GNB1L: variants seen among roughly 807,000 people sequenced by gnomAD.
GNB1L encodes the protein G protein subunit beta 1 like, also known as guanine nucleotide-binding protein subunit beta-like protein 1.
A neutral mutation model predicts 29.1 loss-of-function variants in GNB1L; 20 were observed. That is an observed-to-expected ratio of 0.69 (90% confidence interval 0.48 to 1.00). The LOEUF (loss-of-function observed/expected upper bound fraction) is 1.00, where lower values mean the gene tolerates loss of function less well. GNB1L is among the 50% of genes least tolerant of loss of function. The pLI, the probability that GNB1L is intolerant of heterozygous loss-of-function variation, is 0.00. For missense variants in GNB1L, 421 were observed against 464.9 expected (o/e 0.91, Z 0.87); for synonymous variants, 193 against 206.5 (o/e 0.93, Z 0.56).
At position 19,788,613 on chromosome 22, in the gene GNB1L, G is replaced by A; in HGVS notation, c.*96C>T. ...CATGGTCCTTGGGCCATGACTTGCTGGTCCTCAGAGGCCCTTGAGGTTTCA... is the reference window on the plus strand; with the variant it reads ...CATGGTCCTTGGGCCATGACTTGCTAGTCCTCAGAGGCCCTTGAGGTTTCA... On this transcript the variant is annotated 3_prime_UTR_variant, in exon 8 of 8. Transcript: ENST00000329517. The A allele has an allele frequency of 6.9e-7, 1 of 1,452,842 alleles. No homozygotes were observed. 90.0% of individuals were successfully genotyped at this position (1,452,842 alleles called of 1,614,324 possible). A position where few individuals can be genotyped will look rare whatever the true frequency, so the allele number is the denominator to read the frequency against.
At chr22:19,850,962 G>C in intron 2 of GNB1L, 11 of 1,380,068 alleles carry the variant, frequency 8.0e-6, no homozygotes, top group Non-Finnish European at 1.0e-5. Context: ...AGCAGGGAAA[G>C]GGCACAGGGC....
At chr22:19,801,144 G>A (rs980196207) in intron 7 of GNB1L, among the ~76,000 whole-genome samples, 3 of 152,170 alleles carry the variant, frequency 2.0e-5, no homozygotes, top group African/African-American at 4.8e-5. Context: ...GTCACCTCAC[G>A]GGACATGCAG....
chr22:19,798,392 T>G (rs1478959237), intron 7 of GNB1L, among the ~76,000 whole-genome samples: 1 of 152,146 alleles, frequency 6.6e-6, no homozygotes, highest in East Asian at 1.9e-4. Flanking sequence ...ACCTCTGCCC[T>G]AAGTCAGTGG....
chr22:19,803,645 C>T (rs2091637697), intron 6 of GNB1L, among the ~76,000 whole-genome samples: 1 of 152,240 alleles, frequency 6.6e-6, no homozygotes, highest in African/African-American at 2.4e-5. Flanking sequence ...CACAGAAGCT[C>T]CTTGCAGGCA....
At chr22:19,799,095 C>G (rs1474444095) in intron 7 of GNB1L, among the ~76,000 whole-genome samples, 2 of 152,228 alleles carry the variant, frequency 1.3e-5, no homozygotes, top group Non-Finnish European at 2.9e-5. Flanking sequence ...GATGGGAGCG[C>G]AGCTGGGACA....
intron 4 of GNB1L, among the ~76,000 whole-genome samples, chr22:19,818,978 C>T (rs943876026): frequency 2.6e-5 from 4 of 152,202 alleles, no homozygotes; most frequent in African/African-American, 9.6e-5. Context: ...GCCCCTCACG[C>T]ACCTGCCCCT....
At chr22:19,799,619 G>A (rs575763772) in intron 7 of GNB1L, among the ~76,000 whole-genome samples, 24 of 152,350 alleles carry the variant, frequency 1.6e-4, no homozygotes, top group Middle Eastern at 3.4e-3. Context: ...ACCCGCCGGG[G>A]GGAGACTGAT....
At chr22:19,838,240 CA>C (rs1937798384) in intron 2 of GNB1L, among the ~76,000 whole-genome samples, 1 of 152,130 alleles carries the variant, frequency 6.6e-6, no homozygotes, top group African/African-American at 2.4e-5. Flanking sequence ...CAAATAAGCA[CA>C]AAAGGCAACT....
At chr22:19,829,310 T>C (rs1205134788) in intron 2 of GNB1L, among the ~76,000 whole-genome samples, 1 of 152,178 alleles carries the variant, frequency 6.6e-6, no homozygotes, top group East Asian at 1.9e-4. Context: ...AAATTGACTG[T>C]ATATTGGGTC....
intron 2 of GNB1L, among the ~76,000 whole-genome samples, chr22:19,843,454 C>T (rs1191823980): frequency 6.6e-6 from 1 of 152,220 alleles, no homozygotes; most frequent in Non-Finnish European, 1.5e-5. Context: ...GGGAGCCAGG[C>T]ACCGCCCCCC....
chr22:19,808,194 A>G (rs1018800159), intron 5 of GNB1L, among the ~76,000 whole-genome samples: 4 of 152,164 alleles, frequency 2.6e-5, no homozygotes, highest in Non-Finnish European at 4.4e-5. Flanking sequence ...GGGATGGCTC[A>G]CAGATCTAGG....
In GNB1L at chr22:19,802,087, A is replaced by G; in HGVS notation, c.646T>C (p.Phe216Leu). Residue 216 changes from phenylalanine to leucine, a missense_variant, in exon 7 of 8, where the codon TTT (phenylalanine) becomes CTT (leucine). Phe to Leu is a conservative substitution (Grantham distance 22). Coordinates refer to ENST00000329517, the MANE Select transcript of GNB1L (RefSeq NM_053004.3). Reference sequence around the variant, plus strand: ...ATGCCCCTGGCCTTCTGGGAGTCAAAGTCAAGGTCCATGACGGGCTCCTCA... The same window carrying G: ...ATGCCCCTGGCCTTCTGGGAGTCAAGGTCAAGGTCCATGACGGGCTCCTCA... ...CHEEPVMDLD[F>L]DSQKARGISG... 2 of 1,613,576 alleles carry G rather than the reference A, an allele frequency of 1.2e-6. No homozygotes were observed. Among genetic ancestry groups the G allele is most frequent in the Non-Finnish European group, 1.7e-6 (2 of 1,179,992 alleles).
In GNB1L at chr22:19,822,493, G is replaced by A. The variant is rs186355104; in HGVS notation, c.-20-1118C>T. On this transcript the variant is annotated intron_variant, in intron 2 of 7. Transcript: ENST00000329517. The stretch of plus-strand genomic sequence containing the variant: ...GTGGGGTGGCCCTGGAGCCAGAAGC[G>A]ACCAGCTCCATGTCTGTCTGCCTGC... Among the ~76,000 whole-genome samples the A allele has an allele frequency of 4.3e-3, 654 of 152,274 alleles. 7 individuals are homozygous for A. Among genetic ancestry groups the A allele is most frequent in the African/African-American group, 0.015 (616 of 41,556 alleles).
At chr22:19,850,165 T>C (rs765808761) in intron 2 of GNB1L, 40 of 985,408 alleles carry the variant, frequency 4.1e-5, no homozygotes, top group Non-Finnish European at 4.8e-5. Flanking sequence ...GGAATGCTCA[T>C]GGCCAGGCCT....
Position 19,806,768 on chromosome 22 carries a change from G to C in GNB1L, c.418-11C>G. 1 of 1,596,550 alleles carries C rather than the reference G, an allele frequency of 6.3e-7. No homozygotes were observed. The highest frequency in any genetic ancestry group is 8.6e-7 in the Non-Finnish European group (1 of 1,164,246). On this transcript the variant is annotated splice_polypyrimidine_tract_variant and intron_variant, in intron 5 of 7. Transcript: ENST00000329517. ...CTCCAGAATCTGAACCTGACAGTAA[G>C]AAAACAAGTTGATTTGGGCCGTCGC...
At chr22:19,849,835 C>T (rs890419716) in intron 2 of GNB1L, 1 of 985,318 alleles carries the variant, frequency 1.0e-6, no homozygotes, top group East Asian at 1.1e-4. Context: ...TGTCCAAGCA[C>T]CAGAGTGGGC....
chr22:19,849,050 G>A (rs138852781), intron 2 of GNB1L: 31,015 of 985,404 alleles, frequency 0.031, 535 homozygotes, highest in Non-Finnish European at 0.035. Context: ...CTGAGTCATC[G>A]GACGGAGGGC....
intron 1 of GNB1L, 112 bp from the exon 2 acceptor site, chr22:19,854,651 G>GGCGCGGACCGAGAAACTGAGGC (rs1400000034): frequency 6.5e-6 from 1 of 152,862 alleles, no homozygotes; most frequent in Non-Finnish European, 1.5e-5. Context: ...ACAAACCCCC[G>GGCGCGGACCGAGAAACTGAGGC]GCGCGGACCG....
At chr22:19,812,507 C>A in intron 4 of GNB1L, 60 bp from the exon 5 acceptor site, 1 of 1,481,492 alleles carries the variant, frequency 6.7e-7, no homozygotes, top group Non-Finnish European at 9.2e-7. Flanking sequence ...GCTCCCATGG[C>A]CCCTGCAGCG....
Sources: gnomAD v4.1 joint callset for allele counts (sites outside exome capture counted in the v4.1 genomes callset) on GRCh38, gnomAD v4.1.1 for gene constraint, MANE v1.5 for transcripts, NCBI Gene and HGNC (gene_info 2026-07-23, HGNC 2026-07-21) for gene names.